The following NELL2 variants were observed in gnomAD, a reference collection of about 807,000 sequenced individuals.
NELL2 encodes the protein neural EGFL like 2, also known as protein kinase C-binding protein NELL2.
In NELL2, 41 loss-of-function variants were observed where a neutral mutation model predicts 109.6. That is an observed-to-expected ratio of 0.37 (90% CI 0.29 to 0.49). NELL2 has a LOEUF of 0.49. NELL2 is among the 20% of genes least tolerant of loss of function. The probability of loss-of-function intolerance (pLI) is 0.98; values close to 1 mark genes in which losing one functional copy is unlikely to be tolerated. For missense variants in NELL2, 900 were observed against 1,008.3 expected (o/e 0.89, Z 1.45); for synonymous variants, 355 against 344.7 (o/e 1.03, Z -0.33).
intron 2 of NELL2, among the ~76,000 whole-genome samples, chr12:44,865,407 C>G (rs201198245): frequency 0.021 from 2,674 of 124,592 alleles, 60 homozygotes; most frequent in East Asian, 0.18. Context: ...AGACTTGGAA[C>G]CAACCCAAAT....
chr12:44,685,640 G>A (rs1312068235), intron 12 of NELL2, among the ~76,000 whole-genome samples: 2 of 151,986 alleles, frequency 1.3e-5, no homozygotes, highest in South Asian at 4.2e-4. Flanking sequence ...GCAACTGCTT[G>A]TCTGTAAAGG....
In NELL2 at chr12:44,508,571, T is replaced by C. The variant is rs1275433579; in HGVS notation, c.*363A>G. On this transcript the variant is annotated 3_prime_UTR_variant, in exon 20 of 20. Transcript: ENST00000429094. ...TTCTTGCAGTGAGGAACCTAACTGA[T>C]TCTTGAAGATTCTGATCTAGAGGAA... 5.6e-6 allele frequency: 1 copy of C among 179,488 alleles called. No individual in the cohort carries two copies. Among genetic ancestry groups the C allele is most frequent in the Non-Finnish European group, 1.2e-5 (1 of 85,842 alleles). 11.1% of individuals were successfully genotyped at this position (179,488 alleles called of 1,614,324 possible). A position where few individuals can be genotyped will look rare whatever the true frequency, so the allele number is the denominator to read the frequency against.
intron 15 of NELL2, among the ~76,000 whole-genome samples, chr12:44,568,999 C>A (rs553254198): frequency 6.6e-6 from 1 of 152,012 alleles, no homozygotes; most frequent in Non-Finnish European, 1.5e-5. Flanking sequence ...GCCTAGTACT[C>A]ATTAGTTATT....
At chr12:44,685,742 C>T (rs1195330565) in intron 12 of NELL2, among the ~76,000 whole-genome samples, 4 of 152,158 alleles carry the variant, frequency 2.6e-5, no homozygotes, top group South Asian at 2.1e-4. Flanking sequence ...TGAATATTGG[C>T]CCCCACTCTC....
intron 1 of NELL2, among the ~76,000 whole-genome samples, chr12:44,907,406 C>A (rs1440899567): frequency 1.3e-5 from 2 of 151,812 alleles, no homozygotes; most frequent in African/African-American, 4.8e-5. Context: ...GGTGCAAAAC[C>A]AAAAAACAGT....
In NELL2 at chr12:44,865,795, C is replaced by T. The variant is rs544806348; in HGVS notation, c.184+9430G>A. ...AACCTGCACAATGTGCACATGTACCCTAAAACTTTAAGTATAATAAAAAAA... is the reference window on the plus strand; with the variant it reads ...AACCTGCACAATGTGCACATGTACCTTAAAACTTTAAGTATAATAAAAAAA... On this transcript the variant is annotated intron_variant, in intron 2 of 19. Coordinates refer to ENST00000429094, the MANE Select transcript of NELL2 (RefSeq NM_001145108.2). Among the ~76,000 whole-genome samples, 550 of 72,950 alleles carry T rather than the reference C, an allele frequency of 7.5e-3. 7 individuals carry two copies. Among genetic ancestry groups the T allele is most frequent in the Middle Eastern group, 0.015 (2 of 136 alleles). 47.9% of individuals were successfully genotyped at this position (72,950 alleles called of 152,430 possible). A position where few individuals can be genotyped will look rare whatever the true frequency, so the allele number is the denominator to read the frequency against.
chr12:44,843,761 C>A (rs139600663), intron 2 of NELL2, among the ~76,000 whole-genome samples: 1 of 152,148 alleles, frequency 6.6e-6, no homozygotes, highest in African/African-American at 2.4e-5. Context: ...GTGGCTCATA[C>A]CTTTACTCCC....
intron 3 of NELL2, among the ~76,000 whole-genome samples, chr12:44,780,251 T>C (rs1941907846): frequency 6.6e-6 from 1 of 152,080 alleles, no homozygotes; most frequent in Admixed American, 6.5e-5. Flanking sequence ...CCATTTTGTG[T>C]CATATATCCT....
intron 12 of NELL2, among the ~76,000 whole-genome samples, chr12:44,694,670 G>C (rs1320581985): frequency 6.6e-6 from 1 of 151,412 alleles, no homozygotes; most frequent in African/African-American, 2.4e-5. Context: ...ATTAATGACA[G>C]TTTTGAAAGT....
intron 9 of NELL2, among the ~76,000 whole-genome samples, chr12:44,717,648 G>C (rs1023370282): frequency 2.0e-5 from 3 of 152,176 alleles, no homozygotes; most frequent in African/African-American, 7.2e-5. Context: ...TAAGGCTAAG[G>C]AACAAGGGAA....
At chr12:44,584,387 G>T (rs2136215396) in intron 15 of NELL2, among the ~76,000 whole-genome samples, 1 of 152,262 alleles carries the variant, frequency 6.6e-6, no homozygotes, top group Non-Finnish European at 1.5e-5. Context: ...TTAAAGATTT[G>T]TTGACAAAAC....
At chr12:44,674,503 A>G (rs1948244122) in intron 12 of NELL2, among the ~76,000 whole-genome samples, 2 of 152,222 alleles carry the variant, frequency 1.3e-5, no homozygotes, top group Non-Finnish European at 2.9e-5. Context: ...GAGCAAAAAC[A>G]TGAAATGTTC....
At chr12:44,521,454 C>T (rs1565864795) in intron 18 of NELL2, among the ~76,000 whole-genome samples, 1 of 149,038 alleles carries the variant, frequency 6.7e-6, no homozygotes, top group African/African-American at 2.5e-5. Flanking sequence ...GGCGTGAACC[C>T]GGGAGGCGGA....
At chr12:44,615,456 C>T (rs1011347717) in intron 13 of NELL2, among the ~76,000 whole-genome samples, 4 of 151,990 alleles carry the variant, frequency 2.6e-5, no homozygotes, top group Non-Finnish European at 5.9e-5. Context: ...ATTTTCATAA[C>T]AGAAAATTAA....
chr12:44,767,121 A>C (rs1941366198), intron 9 of NELL2, among the ~76,000 whole-genome samples: 1 of 152,156 alleles, frequency 6.6e-6, no homozygotes, highest in South Asian at 2.1e-4. Flanking sequence ...ACAAAAGGGG[A>C]GGTCAATACA....
chr12:44,659,014 T>C (rs961084876), intron 13 of NELL2, among the ~76,000 whole-genome samples: 1 of 150,314 alleles, frequency 6.7e-6, no homozygotes, highest in African/African-American at 2.5e-5. Context: ...TATAGACCAA[T>C]GGAACAGAAC....
At chr12:44,554,515 G>A (rs1943164113) in intron 15 of NELL2, among the ~76,000 whole-genome samples, 1 of 152,132 alleles carries the variant, frequency 6.6e-6, no homozygotes, top group Non-Finnish European at 1.5e-5. Flanking sequence ...TAATGGATAT[G>A]TTCGCTAGTT....
intron 9 of NELL2, among the ~76,000 whole-genome samples, chr12:44,735,726 G>A (rs1482578253): frequency 6.6e-6 from 1 of 151,850 alleles, no homozygotes; most frequent in Non-Finnish European, 1.5e-5. Context: ...CTTTGGTTTT[G>A]GTCTGAGAAT....
At chr12:44,624,907 G>GAAAAAC (rs1184282053) in intron 13 of NELL2, among the ~76,000 whole-genome samples, 1 of 149,992 alleles carries the variant, frequency 6.7e-6, no homozygotes, top group African/African-American at 2.4e-5. Flanking sequence ...CCAGATCAGT[G>GAAAAAC]AAAAACAGAA....
Sources: gnomAD v4.1 joint callset for allele counts (sites outside exome capture counted in the v4.1 genomes callset) on GRCh38, gnomAD v4.1.1 for gene constraint, MANE v1.5 for transcripts, NCBI Gene and HGNC (gene_info 2026-07-23, HGNC 2026-07-21) for gene names.